The following ZBBX variants were observed in gnomAD, a reference collection of about 807,000 sequenced individuals.
The protein encoded by ZBBX is zinc finger B-box domain-containing protein 1.
A neutral mutation model predicts 108.5 loss-of-function variants in ZBBX; 101 were observed. The observed-to-expected ratio is 0.93, with a 90% CI of 0.79 to 1.10. The LOEUF is 1.10. Among genes scored for constraint, ZBBX ranks in the 50% least tolerant of loss-of-function variants. The pLI, the probability that ZBBX is intolerant of heterozygous loss-of-function variation, is 0.00. For synonymous variants in ZBBX, 356 were observed against 323.4 expected (o/e 1.10, Z -1.08); for missense variants, 1,009 against 941.4 (o/e 1.07, Z -0.94).
At chr3:167,274,786 T>C (rs1727191159) in intron 20 of ZBBX, among the ~76,000 whole-genome samples, 2 of 152,132 alleles carry the variant, frequency 1.3e-5, no homozygotes, top group South Asian at 2.1e-4. Context: ...TATTTACAAG[T>C]AGCCAATCAG....
chr3:167,196,395 T>C, the ZBBX span, among the ~76,000 whole-genome samples: 1 of 152,188 alleles, frequency 6.6e-6, no homozygotes, highest in African/African-American at 2.4e-5. Context: ...ACTACTTAAA[T>C]AGTAAAACAT....
At chr3:167,205,086 G>A in the ZBBX span, among the ~76,000 whole-genome samples, 2 of 152,160 alleles carry the variant, frequency 1.3e-5, no homozygotes, top group South Asian at 4.1e-4. Context: ...CCAGGTATTA[G>A]AAATTTCTGT....
chr3:167,360,754 G>A, intron 6 of ZBBX, 31 bp from the exon 7 acceptor site: 2 of 1,340,092 alleles, frequency 1.5e-6, no homozygotes, highest in Non-Finnish European at 2.0e-6. Context: ...CTATTTGTCA[G>A]GTATATATTA....
At chr3:167,211,206 G>A in the ZBBX span, among the ~76,000 whole-genome samples, 2 of 152,150 alleles carry the variant, frequency 1.3e-5, no homozygotes, top group African/African-American at 4.8e-5. Flanking sequence ...AGTGCCTCCA[G>A]GAAACCACAC....
chr3:167,298,250 C>A, intron 18 of ZBBX, 55 bp downstream of exon 18: 2 of 1,378,302 alleles, frequency 1.5e-6, no homozygotes, highest in Admixed American at 2.5e-5. Flanking sequence ...CAGAATTGCT[C>A]AGTATTTCCT....
chr3:167,179,496 G>C, the ZBBX span, among the ~76,000 whole-genome samples: 1 of 152,168 alleles, frequency 6.6e-6, no homozygotes, highest in South Asian at 2.1e-4. Flanking sequence ...ATGTAAAAAG[G>C]GTGCATTCTA....
chr3:167,317,182 C>CA (rs1735612641), intron 13 of ZBBX, 77 bp from the exon 14 acceptor site: 2 of 999,326 alleles, frequency 2.0e-6, no homozygotes, highest in Non-Finnish European at 1.5e-6. Flanking sequence ...AGATAGCCAC[C>CA]AAAAAAGAAG....
chr3:167,307,870 A>C (rs1026033031), intron 16 of ZBBX, among the ~76,000 whole-genome samples: 5 of 152,178 alleles, frequency 3.3e-5, no homozygotes, highest in African/African-American at 1.2e-4. Context: ...CCTGGAAGAC[A>C]ATCTAGGCAA....
At chr3:167,248,471 T>C (rs753183995) in intron 20 of ZBBX, 1 of 263,658 alleles carries the variant, frequency 3.8e-6, no homozygotes, top group Non-Finnish European at 7.9e-6. Context: ...CTCTTCTAAG[T>C]GAGAGGCGTC....
Position 167,313,981 on chromosome 3 carries a change from A to G in ZBBX, c.1410T>C (p.Asn470=). 1.3e-6 allele frequency: 2 copies of G among 1,578,822 alleles called. No individual in the cohort carries two copies. The highest frequency in any genetic ancestry group is 1.2e-5 in the South Asian group (1 of 83,466). The change falls in exon 16 of 22, where the codon AAT becomes AAC. Residue 470 remains asparagine, a synonymous_variant. Transcript: ENST00000675490. ...CAACAAGAAAAATGTTACCTTTTGA[A>G]TTATCTTTATAATAAGTAGAGCTGT... is the stretch of plus-strand genomic sequence containing the variant. The part of the protein sequence containing the change: ...LRNSSTYYKD[N]SKAETSNTDF...
chr3:167,192,416 G>A, the ZBBX span, among the ~76,000 whole-genome samples: 88,705 of 151,846 alleles, frequency 0.58, 26,118 homozygotes, highest in East Asian at 0.82. Context: ...GAATAAAAAG[G>A]ATTTTCCTCT....
intron 20 of ZBBX, chr3:167,248,498 G>T: frequency 5.5e-5 from 15 of 271,468 alleles, no homozygotes; most frequent in South Asian, 1.0e-4. Context: ...CACCAACTCT[G>T]TTTCTAATAG....
chr3:167,185,077 A>T, the ZBBX span, among the ~76,000 whole-genome samples: 2 of 152,226 alleles, frequency 1.3e-5, no homozygotes, highest in African/African-American at 2.4e-5. Context: ...ATTAATGTAT[A>T]TATAGAGACT....
downstream of ZBBX, among the ~76,000 whole-genome samples, chr3:167,237,106 C>A (rs62277559): frequency 2.0e-5 from 3 of 151,508 alleles, no homozygotes; most frequent in African/African-American, 7.3e-5. Flanking sequence ...AGCTGAGAAG[C>A]CATTTCATAA....
At chr3:167,356,385 G>A (rs1454216417) in intron 8 of ZBBX, among the ~76,000 whole-genome samples, 2 of 151,980 alleles carry the variant, frequency 1.3e-5, no homozygotes, top group Admixed American at 6.6e-5. Context: ...TTTATTAGAT[G>A]TGCAGCATTC....
intron 15 of ZBBX, 110 bp from the exon 16 acceptor site, chr3:167,314,226 T>C: frequency 1.3e-6 from 1 of 779,576 alleles, no homozygotes; most frequent in Non-Finnish European, 1.9e-6. Context: ...TTTAATAGGG[T>C]TATTTACATT....
At position 167,388,522 on chromosome 3, in the gene ZBBX, A is replaced by G. The variant is rs546570035; in HGVS notation, c.-445-8117T>C. 5.9e-5 allele frequency among the ~76,000 whole-genome samples: 9 copies of G among 152,126 alleles called. No individual in the cohort carries two copies. In the East Asian group the frequency reaches 1.8e-3, roughly 30 times the overall value. On this transcript the variant is annotated intron_variant, in intron 1 of 21. Transcript: ENST00000455345. ...ATGCAATCTTCCAGAAAAGACAATC[A>G]CTAAGTTATGGTATTAAGGACTCAA...
intron 20 of ZBBX, among the ~76,000 whole-genome samples, chr3:167,261,377 G>A (rs768847445): frequency 2.0e-5 from 3 of 151,790 alleles, no homozygotes; most frequent in Non-Finnish European, 4.4e-5. Context: ...GGCGGTGGTC[G>A]GGGCCCTAGA....
At chr3:167,217,427 C>T in the ZBBX span, among the ~76,000 whole-genome samples, 2 of 152,232 alleles carry the variant, frequency 1.3e-5, no homozygotes, top group East Asian at 3.9e-4. Flanking sequence ...TACCATCTCA[C>T]ATCAGTCAGA....
Sources: gnomAD v4.1 joint callset for allele counts (sites outside exome capture counted in the v4.1 genomes callset) on GRCh38, gnomAD v4.1.1 for gene constraint, MANE v1.5 for transcripts, NCBI Gene and HGNC (gene_info 2026-07-23, HGNC 2026-07-21) for gene names.